Variants in EPHA6 observed in about 807,000 individuals in gnomAD.
The protein encoded by EPHA6 is ephrin type-A receptor 6.
In EPHA6, 50 loss-of-function variants were observed where a neutral mutation model predicts 112.0. That is an observed-to-expected ratio of 0.45 (90% confidence interval 0.36 to 0.56). EPHA6 has a LOEUF of 0.56. Ranked by LOEUF, EPHA6 falls within the 20% of genes least tolerant of loss-of-function variation. The pLI, the probability that EPHA6 is intolerant of heterozygous loss-of-function variation, is 0.00. For missense variants in EPHA6, 1,280 were observed against 1,417.4 expected (o/e 0.90, Z 1.56); for synonymous variants, 529 against 490.7 (o/e 1.08, Z -1.03).
intron 11 of EPHA6, among the ~76,000 whole-genome samples, chr3:97,558,807 C>G (rs1007868181): frequency 6.6e-6 from 1 of 151,770 alleles, no homozygotes; most frequent in Non-Finnish European, 1.5e-5. Context: ...CCTGGACTTA[C>G]AAAGAAAATC....
chr3:97,023,776 A>G (rs1019968408), intron 3 of EPHA6, among the ~76,000 whole-genome samples: 2 of 152,186 alleles, frequency 1.3e-5, no homozygotes, highest in Non-Finnish European at 2.9e-5. Context: ...GAAGAGTTGT[A>G]AAATTCAATT....
intron 3 of EPHA6, among the ~76,000 whole-genome samples, chr3:97,102,052 T>C (rs145272597): frequency 6.6e-6 from 1 of 152,086 alleles, no homozygotes; most frequent in Non-Finnish European, 1.5e-5. Flanking sequence ...CTTTGATGGC[T>C]AGGTCATCAG....
intron 14 of EPHA6, among the ~76,000 whole-genome samples, chr3:97,642,139 C>CA: frequency 7.8e-6 from 1 of 127,716 alleles, no homozygotes; most frequent in Non-Finnish European, 1.7e-5. Flanking sequence ...ACCCCTGACC[C>CA]CCGAGCAGCC....
In EPHA6 at chr3:97,462,378, C is replaced by T. The variant is rs1055178582; in HGVS notation, c.1895-12974C>T. ...CCGTGAATCAGCTGCTACTCCCCTA[C>T]GTAAAGAAAAAAGGAAATAATTAAA... On this transcript the variant is annotated intron_variant, in intron 7 of 17. Transcript: ENST00000389672. Among the ~76,000 whole-genome samples the T allele has an allele frequency of 4.0e-5, 6 of 151,840 alleles. No individual in the cohort carries two copies. In the East Asian group the frequency reaches 9.7e-4, roughly 25 times the overall value.
chr3:97,524,842 C>A (rs1462761501), intron 10 of EPHA6, among the ~76,000 whole-genome samples: 1 of 152,082 alleles, frequency 6.6e-6, no homozygotes, highest in African/African-American at 2.4e-5. Flanking sequence ...CATGTATAGT[C>A]CTATGGGAGA....
At chr3:96,963,160 C>CAA (rs376176100) in intron 2 of EPHA6, among the ~76,000 whole-genome samples, 9,537 of 85,492 alleles carry the variant, frequency 0.11, 469 homozygotes, top group Middle Eastern at 0.23. Context: ...AAACTGCATC[C>CAA]AAAAAAAAAA....
At chr3:97,525,601 G>A (rs190075525) in intron 10 of EPHA6, among the ~76,000 whole-genome samples, 128 of 152,242 alleles carry the variant, frequency 8.4e-4, no homozygotes, top group African/African-American at 2.5e-3. Context: ...ATTTGAAGGA[G>A]CTAACTCCTC....
At chr3:97,342,353 A>C (rs2083346968) in intron 5 of EPHA6, among the ~76,000 whole-genome samples, 1 of 152,244 alleles carries the variant, frequency 6.6e-6, no homozygotes, top group Non-Finnish European at 1.5e-5. Context: ...ATAGTAAAGA[A>C]ACAGAACACT....
At chr3:97,577,423 G>A (rs972870847) in intron 11 of EPHA6, among the ~76,000 whole-genome samples, 3 of 152,062 alleles carry the variant, frequency 2.0e-5, no homozygotes, top group African/African-American at 7.2e-5. Flanking sequence ...CCATTGATTT[G>A]TGAAACTTTC....
intron 14 of EPHA6, among the ~76,000 whole-genome samples, chr3:97,668,938 A>AG: frequency 6.7e-6 from 1 of 150,062 alleles, no homozygotes; most frequent in Non-Finnish European, 1.5e-5. Context: ...AAAAAAAAAA[A>AG]AAAAAATCCA....
chr3:97,513,743 A>G lies in EPHA6; in HGVS notation c.2201-18615A>G, dbSNP rs140941927. On this transcript the variant is annotated intron_variant, in intron 10 of 17. Transcript: ENST00000389672. ...ACAATGTTACAGTTACACAGGAGGA[A>G]TAAGTTGAGAATGGTGCATATGTCA... 9.7e-4 allele frequency among the ~76,000 whole-genome samples: 147 copies of G among 152,214 alleles called. 1 individual carries two copies. The East Asian group carries it at 0.026, about 26-fold the overall frequency.
intron 11 of EPHA6, among the ~76,000 whole-genome samples, chr3:97,584,433 T>C (rs751078813): frequency 1.6e-4 from 24 of 152,218 alleles, no homozygotes; most frequent in Non-Finnish European, 2.8e-4. Flanking sequence ...TTTGAGTTCA[T>C]TGCTATTAGT....
Position 97,750,505 on chromosome 3 carries a change from T to C in EPHA6, c.*1804T>C, listed in dbSNP as rs2035874331. Among the ~76,000 whole-genome samples, 3 of 151,972 alleles carry C rather than the reference T, an allele frequency of 2.0e-5. No individual in the cohort carries two copies. Among genetic ancestry groups the C allele is most frequent in the East Asian group, 1.9e-4 (1 of 5,140 alleles). ...CCGAGTAGCTGGGATTACAGGCGCC[T>C]GCCACCACTCCCGGCTAATTTTTGT... On this transcript the variant is annotated 3_prime_UTR_variant, in exon 18 of 18. Transcript: ENST00000389672.
intron 10 of EPHA6, among the ~76,000 whole-genome samples, chr3:97,494,615 A>G (rs9875591): frequency 0.72 from 109,599 of 152,020 alleles, 44,660 homozygotes; most frequent in South Asian, 0.91. Context: ...AACACCACCA[A>G]TGAAAGTGTT....
intron 12 of EPHA6, 148 bp from the exon 13 acceptor site, chr3:97,610,645 A>G (rs1179625866): frequency 3.0e-6 from 2 of 673,312 alleles, no homozygotes; most frequent in Non-Finnish European, 2.6e-6. Context: ...TATGTATAAT[A>G]TGAATACGTT....
chr3:97,324,161 G>A (rs72926320), intron 5 of EPHA6, among the ~76,000 whole-genome samples: 12,901 of 151,898 alleles, frequency 0.085, 1,129 homozygotes, highest in Admixed American at 0.22. Context: ...TTATGCTTAT[G>A]TAGATTTCCA....
chr3:97,021,937 C>A (rs942501275), intron 3 of EPHA6, among the ~76,000 whole-genome samples: 1 of 152,136 alleles, frequency 6.6e-6, no homozygotes, highest in South Asian at 2.1e-4. Flanking sequence ...TTGGAGAGTT[C>A]TCCCTCAACT....
chr3:97,487,158 A>G (rs1468671362), intron 10 of EPHA6, among the ~76,000 whole-genome samples: 1 of 152,212 alleles, frequency 6.6e-6, no homozygotes, highest in African/African-American at 2.4e-5. Flanking sequence ...GACAGTAGGA[A>G]TGGCAAGGAG....
At chr3:97,244,397 A>G in intron 5 of EPHA6, 110 bp downstream of exon 5, 1 of 879,524 alleles carries the variant, frequency 1.1e-6, no homozygotes, top group Non-Finnish European at 1.8e-6. Flanking sequence ...TATACGTTAT[A>G]CACTGCAGAG....
Sources: gnomAD v4.1 joint callset for allele counts (sites outside exome capture counted in the v4.1 genomes callset) on GRCh38, gnomAD v4.1.1 for gene constraint, MANE v1.5 for transcripts, NCBI Gene and HGNC (gene_info 2026-07-23, HGNC 2026-07-21) for gene names.